The following HSPG2 variants were observed in gnomAD, a reference collection of about 807,000 sequenced individuals.
HSPG2 encodes the protein heparan sulfate proteoglycan 2.
In HSPG2, 278 loss-of-function variants were observed where a neutral mutation model predicts 526.6. That is an observed-to-expected ratio of 0.53 (90% CI 0.48 to 0.58). HSPG2 has a LOEUF of 0.58. HSPG2 is among the 20% of genes least tolerant of loss of function. The probability of loss-of-function intolerance (pLI) is 0.00; values close to 1 mark genes in which losing one functional copy is unlikely to be tolerated. For synonymous variants in HSPG2, 2,465 were observed against 2,555.4 expected (o/e 0.96, Z 1.07); for missense variants, 5,354 against 6,099.5 (o/e 0.88, Z 4.07).
intron 1 of HSPG2, among the ~76,000 whole-genome samples, chr1:21,934,598 CTCT>C (rs1195370551): frequency 2.6e-5 from 1 of 37,856 alleles, no homozygotes; most frequent in East Asian, 1.3e-3. Context: ...GTGTGATGCC[CTCT>C]TTTTTTTTTT....
chr1:21,850,733 G>A (rs146080512), intron 55 of HSPG2, among the ~76,000 whole-genome samples: 13 of 152,154 alleles, frequency 8.5e-5, no homozygotes, highest in Non-Finnish European at 1.5e-4. Flanking sequence ...CACACATTTC[G>A]ATGTCTCCAA....
Position 21,937,141 on chromosome 1 carries a change from C to A in HSPG2, c.63+14G>T. On this transcript the variant is annotated intron_variant, in intron 1 of 96. Transcript: ENST00000374695. ...TCCGCCCCCGCCCCCCGCCCCTCTG[C>A]CCCGCACACTCACCGCCAGCAGCCG... 3 of 346,380 alleles carry A rather than the reference C, an allele frequency of 8.7e-6. No individual in the cohort carries two copies. Among genetic ancestry groups the A allele is most frequent in the Non-Finnish European group, 9.1e-6 (2 of 219,456 alleles). The allele number at this position is 346,380 out of a possible 1,614,324, so 21.5% of individuals were successfully genotyped here.
Position 21,828,231 on chromosome 1 carries a change from G to A in HSPG2, c.12409+24C>T, listed in dbSNP as rs755545123. 104 of 1,613,160 alleles carry A rather than the reference G, an allele frequency of 6.4e-5. No individual in the cohort carries two copies. The highest frequency in any genetic ancestry group is 4.1e-4 in the South Asian group (37 of 91,082). On this transcript the variant is annotated intron_variant, in intron 89 of 96. Transcript: ENST00000374695. The surrounding 1 kb of genome is among the most constrained non-coding windows in gnomAD (Gnocchi z 6.0). ...CTGACCACCTGTGCCCCTCCCCTCCGGTGCCCTGGGCAGGCTTTCCCACCT... is the reference window on the plus strand; with the variant it reads ...CTGACCACCTGTGCCCCTCCCCTCCAGTGCCCTGGGCAGGCTTTCCCACCT...
At position 21,839,450 on chromosome 1, in the gene HSPG2, C is replaced by T; in HGVS notation, c.9810G>A (p.Gln3270=). 1 of 1,614,130 alleles carries T rather than the reference C, an allele frequency of 6.2e-7. No individual in the cohort carries two copies. Among genetic ancestry groups the T allele is most frequent in the South Asian group, 1.1e-5 (1 of 91,086 alleles). ...TGCAGATGTACTGGCCCGAGTCCTG[C>T]TGGGCTACCCGGGGTATGATGAGTG... is the stretch of plus-strand genomic sequence containing the variant. The part of the protein sequence containing the change: ...GDTLIIPRVA[Q]QDSGQYICNA... The change falls in exon 73 of 97, where the codon CAG becomes CAA. Residue 3270 remains glutamine (Q), a synonymous_variant. Coordinates refer to ENST00000374695, the MANE Select transcript of HSPG2 (RefSeq NM_005529.7). The surrounding 1 kb of genome is among the most constrained non-coding windows in gnomAD (Gnocchi z 4.5).
chr1:21,876,333 C>A lies in HSPG2; in HGVS notation c.2899G>T (p.Gly967Cys). The change falls in exon 23 of 97, where the codon GGC (glycine) becomes TGC (cysteine). Residue 967 changes from glycine to cysteine, a missense_variant. Coordinates refer to ENST00000374695, the MANE Select transcript of HSPG2 (RefSeq NM_005529.7). Reference protein sequence around the residue: ...NAASTHTTNEGIFSPTPGELG... With the variant: ...NAASTHTTNECIFSPTPGELG... ...TCCCCGGGCGTGGGGGAGAAGATGC[C>A]CTCGTTGGTGGTGTGGGTGCTTGCG... 3.7e-6 allele frequency: 6 copies of A among 1,613,946 alleles called. No individual in the cohort carries two copies. The highest frequency in any genetic ancestry group is 4.2e-6 in the Non-Finnish European group (5 of 1,179,982).
chr1:21,865,132 T>C lies in HSPG2; in HGVS notation c.4396-59A>G. On this transcript the variant is annotated intron_variant, in intron 35 of 96. Transcript: ENST00000374695. The surrounding 1 kb of genome is among the most constrained non-coding windows in gnomAD (Gnocchi z 5.4). The stretch of plus-strand genomic sequence containing the variant: ...TGGGCTTTGTGGGCTGCTCCTACAG[T>C]TACCACCCCCCAAATCCTGCCTTAC... The C allele has an allele frequency of 6.5e-7, 1 of 1,538,472 alleles. No homozygotes were observed. The highest frequency in any genetic ancestry group is 1.4e-5 in the African/African-American group (1 of 73,524).
chr1:21,936,944 G>A (rs1644503834), intron 1 of HSPG2, among the ~76,000 whole-genome samples: 1 of 150,644 alleles, frequency 6.6e-6, no homozygotes, highest in Non-Finnish European at 1.5e-5. Flanking sequence ...CCAGCCCCAC[G>A]AAGGGTCCTG....
intron 1 of HSPG2, among the ~76,000 whole-genome samples, chr1:21,913,714 AG>A (rs925455849): frequency 5.9e-5 from 9 of 152,362 alleles, no homozygotes; most frequent in African/African-American, 2.2e-4. Context: ...GAAGGCTAGA[AG>A]GGGAACCCCC....
chr1:21,826,937 G>A (rs559270069), intron 91 of HSPG2, among the ~76,000 whole-genome samples: 40 of 152,196 alleles, frequency 2.6e-4, no homozygotes, highest in African/African-American at 8.4e-4. Context: ...ACTTTAGGAC[G>A]GTGGCTTACG....
At chr1:21,935,661 G>A (rs893178731) in intron 1 of HSPG2, among the ~76,000 whole-genome samples, 4 of 152,328 alleles carry the variant, frequency 2.6e-5, no homozygotes, top group Non-Finnish European at 4.4e-5. Flanking sequence ...CCATCCTACC[G>A]CACCCGGGCA....
chr1:21,835,271 G>T, intron 76 of HSPG2: 1 of 595,868 alleles, frequency 1.7e-6, no homozygotes, highest in Non-Finnish European at 3.0e-6. Flanking sequence ...CTACAGGTGC[G>T]TTCCACCATG....
intron 1 of HSPG2, among the ~76,000 whole-genome samples, chr1:21,928,869 C>G (rs1334945332): frequency 6.6e-6 from 1 of 152,086 alleles, no homozygotes; most frequent in African/African-American, 2.4e-5. Flanking sequence ...CCTGCCTCAG[C>G]CTCCCTGAGT....
chr1:21,932,263 C>T (rs996785612), intron 1 of HSPG2, among the ~76,000 whole-genome samples: 2 of 152,126 alleles, frequency 1.3e-5, no homozygotes, highest in East Asian at 1.9e-4. Flanking sequence ...TGACTGCCCA[C>T]GACAAGCACA....
intron 91 of HSPG2, among the ~76,000 whole-genome samples, chr1:21,825,581 C>G (rs905809105): frequency 6.6e-6 from 1 of 152,164 alleles, no homozygotes; most frequent in Non-Finnish European, 1.5e-5. Context: ...CACAGGCCGG[C>G]ACTGGCCACA....
At position 21,885,310 on chromosome 1, in the gene HSPG2, C is replaced by T. The variant is rs1442883136; in HGVS notation, c.1210+10G>A. The stretch of plus-strand genomic sequence containing the variant: ...CAGGGCCCGCATCTCGACCCCAGCT[C>T]CCTGCTCACTGCAGCCAAACTCGTC... On this transcript the variant is annotated intron_variant, in intron 10 of 96. Coordinates refer to ENST00000374695, the MANE Select transcript of HSPG2 (RefSeq NM_005529.7). The T allele has an allele frequency of 2.5e-6, 4 of 1,613,980 alleles. No individual in the cohort carries two copies. Among genetic ancestry groups the T allele is most frequent in the Middle Eastern group, 1.7e-4 (1 of 6,052 alleles).
chr1:21,919,480 C>A (rs887743121), intron 1 of HSPG2, among the ~76,000 whole-genome samples: 5 of 151,638 alleles, frequency 3.3e-5, no homozygotes, highest in Non-Finnish European at 5.9e-5. Context: ...TTTCTTCAGT[C>A]CTGTCAGGGG....
At chr1:21,905,911 T>C (rs1572420146) in intron 1 of HSPG2, among the ~76,000 whole-genome samples, 1 of 152,338 alleles carries the variant, frequency 6.6e-6, no homozygotes, top group East Asian at 1.9e-4. Flanking sequence ...CTTAGGAGGC[T>C]GAGGCAGGAG....
Position 21,839,785 on chromosome 1 carries a change from T to C in HSPG2, c.9709+37A>G. The C allele has an allele frequency of 6.2e-7, 1 of 1,607,638 alleles. No homozygotes were observed. Among genetic ancestry groups the C allele is most frequent in the African/African-American group, 1.3e-5 (1 of 74,910 alleles). On this transcript the variant is annotated intron_variant, in intron 72 of 96. Coordinates refer to ENST00000374695, the MANE Select transcript of HSPG2 (RefSeq NM_005529.7). The surrounding 1 kb of genome is among the most constrained non-coding windows in gnomAD (Gnocchi z 4.5). ...TACATTTCAGACCCCAGGGCATCCC[T>C]GCCCTGCCAGCCCTATGTGCCAGCC... is the stretch of plus-strand genomic sequence containing the variant.
In HSPG2 at chr1:21,851,806, C is replaced by T; in HGVS notation, c.6991G>A (p.Ala2331Thr). 6.2e-7 allele frequency: 1 copy of T among 1,613,794 alleles called. No individual in the cohort carries two copies. The highest frequency in any genetic ancestry group is 2.2e-5 in the East Asian group (1 of 44,886). ...ITVTVTGTQG[A>T]NLAYPAGSTQ... ...CCCCACTCACGGTAGGCTAAGTTGGCCCCCTGGGTCCCAGTTACTGTGACC... is the reference window on the plus strand; with the variant it reads ...CCCCACTCACGGTAGGCTAAGTTGGTCCCCTGGGTCCCAGTTACTGTGACC... The change falls in exon 54 of 97, where the codon GCC (alanine) becomes ACC (threonine). Residue 2331 changes from alanine to threonine, a missense_variant. Ala to Thr is a moderately conservative substitution (Grantham distance 58). Coordinates refer to ENST00000374695, the MANE Select transcript of HSPG2 (RefSeq NM_005529.7).
Sources: allele counts gnomAD v4.1 joint callset (sites outside exome capture counted in the v4.1 genomes callset), GRCh38; gene constraint gnomAD v4.1.1; non-coding constraint Gnocchi (gnomAD v3.1); transcripts MANE v1.5; gene names NCBI Gene and HGNC (gene_info 2026-07-23, HGNC 2026-07-21).